Variants in CAMTA1 observed in about 807,000 individuals in gnomAD.
CAMTA1 encodes calmodulin binding transcription activator 1.
A neutral mutation model predicts 170.9 loss-of-function variants in CAMTA1; 27 were observed. The observed-to-expected ratio is 0.16, with a 90% confidence interval of 0.12 to 0.22. The LOEUF is 0.22. CAMTA1 is among the 10% of genes least tolerant of loss of function. CAMTA1 has a pLI of 1.00. For missense variants in CAMTA1, 1,619 were observed against 2,217.2 expected, an observed-to-expected ratio of 0.73 and a Z score of 5.42; for synonymous variants, 833 against 891.5, an observed-to-expected ratio of 0.93 and a Z score of 1.17.
At chr1:7,568,987 T>G (rs1051202278) in intron 6 of CAMTA1, among the ~76,000 whole-genome samples, 1 of 146,256 alleles carries the variant, frequency 6.8e-6, no homozygotes, top group African/African-American at 2.5e-5. Flanking sequence ...TATCACTATC[T>G]CCATCATCAT....
intron 1 of CAMTA1, 137 bp from the exon 2 acceptor site, chr1:6,820,044 A>G (rs1447823051): frequency 1.5e-6 from 1 of 647,044 alleles, no homozygotes; most frequent in East Asian, 2.8e-5. Context: ...ATTTTGTGGA[A>G]TGTTCCTTGA....
chr1:7,384,569 T>A, intron 5 of CAMTA1, among the ~76,000 whole-genome samples: 1 of 152,248 alleles, frequency 6.6e-6, no homozygotes, highest in East Asian at 1.9e-4. Flanking sequence ...TATTCAAAAT[T>A]AAAAGAAATT....
At chr1:6,949,804 G>A (rs1027826322) in intron 3 of CAMTA1, among the ~76,000 whole-genome samples, 1 of 152,258 alleles carries the variant, frequency 6.6e-6, no homozygotes, top group African/African-American at 2.4e-5. Flanking sequence ...ACAAGTAAGT[G>A]CAAAAGGGAG....
In CAMTA1 at chr1:7,642,349, G is replaced by T. The variant is rs1429059304; in HGVS notation, c.664+1796G>T. On this transcript the variant is annotated intron_variant, in intron 7 of 22. Coordinates refer to ENST00000303635, the MANE Select transcript of CAMTA1 (RefSeq NM_015215.4). This position sits in a 1 kb window ranked among gnomAD's most constrained non-coding sequence, Gnocchi z 6.3. Reference sequence around the variant, plus strand: ...TGGAATGGTGGGGGGGAAGGGACCTGCCCAGGGTCCTGAGCAGAGGACAGA... The same window carrying T: ...TGGAATGGTGGGGGGGAAGGGACCTTCCCAGGGTCCTGAGCAGAGGACAGA... Among the ~76,000 whole-genome samples the T allele has an allele frequency of 6.6e-6, 1 of 152,178 alleles. No individual in the cohort carries two copies. The highest frequency in any genetic ancestry group is 1.5e-5 in the Non-Finnish European group (1 of 68,024).
chr1:7,001,897 C>CT (rs35997562), intron 3 of CAMTA1, among the ~76,000 whole-genome samples: 2,064 of 137,422 alleles, frequency 0.015, 42 homozygotes, highest in Middle Eastern at 0.038. Context: ...TCTTCTTCTT[C>CT]TTTTTTTTTT....
chr1:7,414,353 C>T (rs576202572), intron 5 of CAMTA1, among the ~76,000 whole-genome samples: 2,634 of 152,128 alleles, frequency 0.017, 70 homozygotes, highest in African/African-American at 0.061. Flanking sequence ...CTCCTTGTAC[C>T]TCTGGTAGAA....
chr1:7,062,579 C>T (rs928218102), intron 3 of CAMTA1, among the ~76,000 whole-genome samples: 5 of 152,116 alleles, frequency 3.3e-5, no homozygotes, highest in Admixed American at 2.6e-4. Flanking sequence ...ACCGAGCAGC[C>T]GCGCTAAGGA....
At chr1:7,176,026 G>A (rs564062839) in intron 4 of CAMTA1, among the ~76,000 whole-genome samples, 3 of 152,330 alleles carry the variant, frequency 2.0e-5, no homozygotes, top group African/African-American at 7.2e-5. Flanking sequence ...TGGAGCTGCT[G>A]CAGCTCCCAC....
rs558101628 is a variant in CAMTA1 at position 7,257,755 on chromosome 1, G to A, written c.438+8129G>A. Reference sequence around the variant, plus strand: ...GTATGTCTATATTAAAATATTGTCCGTTGCTTTTGTGGAACTCACAGTTTG... The same window carrying A: ...GTATGTCTATATTAAAATATTGTCCATTGCTTTTGTGGAACTCACAGTTTG... On this transcript the variant is annotated intron_variant, in intron 5 of 22. Coordinates refer to ENST00000303635, the MANE Select transcript of CAMTA1 (RefSeq NM_015215.4). Among the ~76,000 whole-genome samples, 115 of 152,120 alleles carry A rather than the reference G, an allele frequency of 7.6e-4. 1 individual carries two copies. The highest frequency in any genetic ancestry group is 2.7e-3 in the African/African-American group (110 of 41,476).
At chr1:6,996,679 AT>A (rs200974333) in intron 3 of CAMTA1, among the ~76,000 whole-genome samples, 22,600 of 150,642 alleles carry the variant, frequency 0.15, 1,895 homozygotes, top group South Asian at 0.24. Context: ...GCAAAAAGCT[AT>A]TTAAAAAAAA....
intron 3 of CAMTA1, among the ~76,000 whole-genome samples, chr1:7,046,502 A>AGCAGCCTGGGGCTGCC (rs1705405322): frequency 6.6e-6 from 1 of 152,254 alleles, no homozygotes; most frequent in Admixed American, 6.5e-5. Flanking sequence ...CAAGGGCTGC[A>AGCAGCCTGGGGCTGCC]GCAGCCTGGG....
intron 5 of CAMTA1, among the ~76,000 whole-genome samples, chr1:7,287,191 A>G (rs888792673): frequency 1.7e-4 from 26 of 152,198 alleles, no homozygotes; most frequent in African/African-American, 6.3e-4. Flanking sequence ...GAGGGATTTC[A>G]GCAGGCGGGG....
At chr1:7,046,349 C>A (rs1043556832) in intron 3 of CAMTA1, among the ~76,000 whole-genome samples, 10 of 152,178 alleles carry the variant, frequency 6.6e-5, no homozygotes, top group African/African-American at 2.4e-4. Flanking sequence ...AGCAGGAGGC[C>A]AGGATACCAG....
chr1:7,639,275 G>A (rs945366312), intron 6 of CAMTA1, among the ~76,000 whole-genome samples: 7 of 152,294 alleles, frequency 4.6e-5, no homozygotes, highest in East Asian at 1.9e-4. Flanking sequence ...CACCACGCCC[G>A]GCCCAAACTG....
At chr1:6,894,621 T>G (rs1442676281) in intron 3 of CAMTA1, among the ~76,000 whole-genome samples, 1 of 152,254 alleles carries the variant, frequency 6.6e-6, no homozygotes, top group Non-Finnish European at 1.5e-5. Context: ...AAAATAGTTT[T>G]TTAATCTTCT....
At chr1:7,043,604 C>T (rs1414744777) in intron 3 of CAMTA1, among the ~76,000 whole-genome samples, 4 of 152,346 alleles carry the variant, frequency 2.6e-5, no homozygotes, top group Middle Eastern at 3.4e-3. Flanking sequence ...CTCAGACCCA[C>T]CCTTCCTGTC....
intron 3 of CAMTA1, among the ~76,000 whole-genome samples, chr1:6,833,806 G>A (rs896683938): frequency 6.6e-6 from 1 of 152,182 alleles, no homozygotes; most frequent in African/African-American, 2.4e-5. Flanking sequence ...CGGTTCAGGT[G>A]TTACTTTTTC....
chr1:7,555,076 G>A (rs578154258), intron 6 of CAMTA1, among the ~76,000 whole-genome samples: 1 of 152,152 alleles, frequency 6.6e-6, no homozygotes, highest in South Asian at 2.1e-4. Context: ...CTTTCAGCCT[G>A]CTTGCCCTCC....
chr1:7,257,536 TAGCTTCCG>T (rs1667596717), intron 5 of CAMTA1, among the ~76,000 whole-genome samples: 1 of 151,724 alleles, frequency 6.6e-6, no homozygotes, highest in Non-Finnish European at 1.5e-5. Flanking sequence ...CCTGAAGCCG[TAGCTTCCG>T]AGCTTCCACG....
Sources: allele counts gnomAD v4.1 joint callset (sites outside exome capture counted in the v4.1 genomes callset), GRCh38; gene constraint gnomAD v4.1.1; non-coding constraint Gnocchi (gnomAD v3.1); transcripts MANE v1.5; gene names NCBI Gene and HGNC (gene_info 2026-07-23, HGNC 2026-07-21).